ST3GAL3: variants seen among roughly 807,000 people sequenced by gnomAD.
The protein encoded by ST3GAL3 is CMP-N-acetylneuraminate-beta-1,4-galactoside alpha-2,3-sialyltransferase.
A neutral mutation model predicts 50.1 loss-of-function variants in ST3GAL3; 21 were observed. That is an observed-to-expected ratio of 0.42 (90% CI 0.30 to 0.60). ST3GAL3 has a LOEUF of 0.60. Ranked by LOEUF, ST3GAL3 falls within the 20% of genes least tolerant of loss-of-function variation. The pLI is 0.19. For synonymous variants in ST3GAL3, 183 were observed against 190.0 expected, an observed-to-expected ratio of 0.96 and a Z score of 0.30; for missense variants, 353 against 489.4, an observed-to-expected ratio of 0.72 and a Z score of 2.63.
intron 2 of ST3GAL3, among the ~76,000 whole-genome samples, chr1:43,774,257 C>G (rs1696355609): frequency 1.3e-5 from 2 of 152,086 alleles, no homozygotes; most frequent in South Asian, 4.1e-4. Context: ...GATTCCAGTT[C>G]TAACTTGGTT....
intron 2 of ST3GAL3, among the ~76,000 whole-genome samples, chr1:43,763,905 C>T (rs1357747848): frequency 6.6e-6 from 1 of 152,202 alleles, no homozygotes; most frequent in African/African-American, 2.4e-5. Context: ...ATATGCAAGA[C>T]AGTAGAGGCA....
At chr1:43,823,504 A>G (rs1248091855) in intron 4 of ST3GAL3, among the ~76,000 whole-genome samples, 1 of 152,208 alleles carries the variant, frequency 6.6e-6, no homozygotes, top group Non-Finnish European at 1.5e-5. Context: ...CATAGTTCAA[A>G]TGTCACCTTC....
At chr1:43,802,281 C>T (rs555986383) in intron 3 of ST3GAL3, among the ~76,000 whole-genome samples, 5 of 152,176 alleles carry the variant, frequency 3.3e-5, no homozygotes, top group Non-Finnish European at 7.4e-5. Flanking sequence ...AATATAAAAT[C>T]ATTTTTATAC....
In ST3GAL3 at chr1:43,920,545, C is replaced by CG. The variant is rs1387140766; in HGVS notation, c.891+1dup. 2 of 1,606,600 alleles carry CG rather than the reference C, an allele frequency of 1.2e-6. No individual in the cohort carries two copies. Among genetic ancestry groups the CG allele is most frequent in the Non-Finnish European group, 1.7e-6 (2 of 1,175,478 alleles). ...GCCCTTCAACAATGGCCTCATGGGC[C>CG]GGGGGGTGAGATATCTGGGCCCTGG... On this transcript the variant is annotated frameshift_variant, in exon 10 of 12. Transcript: ENST00000347631. LOFTEE classifies it high-confidence loss of function.
intron 2 of ST3GAL3, chr1:43,743,382 A>G: frequency 3.8e-6 from 1 of 262,422 alleles, no homozygotes; most frequent in Non-Finnish European, 7.4e-6. Flanking sequence ...TTTGGTGTGG[A>G]CATGGTGCCT....
At chr1:43,877,622 C>T (rs939971507) in intron 5 of ST3GAL3, among the ~76,000 whole-genome samples, 32 of 152,170 alleles carry the variant, frequency 2.1e-4, no homozygotes, top group African/African-American at 7.0e-4. Flanking sequence ...TCTTGAGCTC[C>T]GGATACAGGT....
intron 4 of ST3GAL3, among the ~76,000 whole-genome samples, chr1:43,834,628 C>G (rs2064020246): frequency 6.6e-6 from 1 of 152,218 alleles, no homozygotes; most frequent in African/African-American, 2.4e-5. Flanking sequence ...TACTCCTCAT[C>G]TCCCAAATGC....
At chr1:43,883,673 T>C (rs1048052450) in intron 5 of ST3GAL3, among the ~76,000 whole-genome samples, 8 of 152,200 alleles carry the variant, frequency 5.3e-5, no homozygotes, top group African/African-American at 1.9e-4. Flanking sequence ...TGGGTGGAAC[T>C]AGAGGGCAGA....
intron 1 of ST3GAL3, among the ~76,000 whole-genome samples, chr1:43,710,226 C>T (rs1195973008): frequency 6.6e-6 from 1 of 152,156 alleles, no homozygotes; most frequent in Non-Finnish European, 1.5e-5. Context: ...GGACGACAGG[C>T]GTGTGCCACC....
intron 5 of ST3GAL3, among the ~76,000 whole-genome samples, chr1:43,878,218 A>G (rs2074452696): frequency 6.6e-6 from 1 of 151,218 alleles, no homozygotes; most frequent in Admixed American, 6.6e-5. Flanking sequence ...ATCTCTCTCC[A>G]CCTCTCTCCT....
chr1:43,808,088 G>A (rs577387629), intron 3 of ST3GAL3, among the ~76,000 whole-genome samples: 3 of 152,256 alleles, frequency 2.0e-5, no homozygotes, highest in East Asian at 1.9e-4. Flanking sequence ...TGGATCATGA[G>A]GTCAGGAGTT....
intron 5 of ST3GAL3, among the ~76,000 whole-genome samples, chr1:43,888,260 A>G (rs990475987): frequency 6.6e-6 from 1 of 152,198 alleles, no homozygotes; most frequent in African/African-American, 2.4e-5. Context: ...GAATTTCTCT[A>G]TAACCTGGGG....
At chr1:43,739,889 ATAGTC>A (rs1680088757) in intron 2 of ST3GAL3, among the ~76,000 whole-genome samples, 1 of 152,216 alleles carries the variant, frequency 6.6e-6, no homozygotes, top group African/African-American at 2.4e-5. Flanking sequence ...AAGTATGAAA[ATAGTC>A]TAGTTATCAA....
chr1:43,802,940 T>C (rs1489462291), intron 3 of ST3GAL3, among the ~76,000 whole-genome samples: 1 of 152,012 alleles, frequency 6.6e-6, no homozygotes, highest in Non-Finnish European at 1.5e-5. Flanking sequence ...TTTTGTTTTG[T>C]TTTTGTTTTT....
chr1:43,845,333 T>G (rs1464521258), intron 5 of ST3GAL3, among the ~76,000 whole-genome samples: 1 of 152,026 alleles, frequency 6.6e-6, no homozygotes, highest in Admixed American at 6.5e-5. Context: ...TCTTTAATTC[T>G]AGAGTTATTC....
At chr1:43,898,820 C>T (rs982360538) in intron 7 of ST3GAL3, among the ~76,000 whole-genome samples, 2 of 152,176 alleles carry the variant, frequency 1.3e-5, no homozygotes, top group Non-Finnish European at 2.9e-5. Context: ...TTCCCTCTCC[C>T]CTGAAGCCTG....
chr1:43,734,969 G>A (rs944020540), intron 1 of ST3GAL3, among the ~76,000 whole-genome samples: 1 of 151,962 alleles, frequency 6.6e-6, no homozygotes, highest in Non-Finnish European at 1.5e-5. Context: ...TGCATAGCAG[G>A]TACAGTAGCA....
intron 9 of ST3GAL3, among the ~76,000 whole-genome samples, chr1:43,910,641 C>T (rs1571274415): frequency 1.3e-5 from 2 of 152,182 alleles, no homozygotes; most frequent in East Asian, 1.9e-4. Flanking sequence ...AGGGCCTGGG[C>T]CTAAGGGTAC....
At chr1:43,849,009 T>A (rs2066792797) in intron 5 of ST3GAL3, among the ~76,000 whole-genome samples, 1 of 152,208 alleles carries the variant, frequency 6.6e-6, no homozygotes, top group Non-Finnish European at 1.5e-5. Flanking sequence ...TTATATCTTC[T>A]GTTTCATTTC....
Sources: allele counts gnomAD v4.1 joint callset (sites outside exome capture counted in the v4.1 genomes callset), GRCh38; gene constraint gnomAD v4.1.1; transcripts MANE v1.5; gene names NCBI Gene and HGNC (gene_info 2026-07-23, HGNC 2026-07-21).